The following MYO19 variants were observed in gnomAD, a reference collection of about 807,000 sequenced individuals.
MYO19 encodes unconventional myosin-XIX.
Under a neutral mutation model 129.2 loss-of-function variants are expected in MYO19, and 132 were observed. That is an observed-to-expected ratio of 1.02 (90% CI 0.89 to 1.18). MYO19 has a LOEUF of 1.18. Ranked by LOEUF, MYO19 falls within the 50% of genes most tolerant of loss-of-function variation. The probability of loss-of-function intolerance (pLI) is 0.00; values close to 1 mark genes in which losing one functional copy is unlikely to be tolerated. For missense variants in MYO19, 1,210 were observed against 1,216.7 expected, an observed-to-expected ratio of 0.99 and a Z score of 0.08; for synonymous variants, 531 against 477.2, an observed-to-expected ratio of 1.11 and a Z score of -1.47.
At position 36,512,512 on chromosome 17, in the gene MYO19, T is replaced by G. The variant is rs527741202; in HGVS notation, c.894+917A>C. The G allele has an allele frequency of 1.0e-5, 9 of 869,426 alleles. No homozygotes were observed. The South Asian group carries it at 1.5e-4, about 14-fold the overall frequency. 53.9% of individuals were successfully genotyped at this position (869,426 alleles called of 1,614,324 possible). ...TGCTACTGGTCTTCCGGCCACAACTTGCTCCAGAAGACTGCCATGCCCACC... is the reference window on the plus strand; with the variant it reads ...TGCTACTGGTCTTCCGGCCACAACTGGCTCCAGAAGACTGCCATGCCCACC... On this transcript the variant is annotated intron_variant, in intron 11 of 25. Transcript: ENST00000614623.
chr17:36,514,360 G>T, intron 9 of MYO19, 86 bp downstream of exon 9: 1 of 859,986 alleles, frequency 1.2e-6, no homozygotes, highest in South Asian at 1.4e-5. Context: ...AACCAGGTAT[G>T]GAGCATTCTG....
chr17:36,495,748 T>A lies in MYO19; in HGVS notation c.*503A>T. On this transcript the variant is annotated 3_prime_UTR_variant, in exon 26 of 26. Transcript: ENST00000614623. ...AGTGTTAATAAAATCAAAACGTGAT[T>A]CTACTGTACATTGCATTATTCATAA... 8.0e-7 allele frequency: 1 copy of A among 1,245,150 alleles called. No homozygotes were observed. The highest frequency in any genetic ancestry group is 1.0e-6 in the Non-Finnish European group (1 of 995,832). 77.1% of individuals were successfully genotyped at this position (1,245,150 alleles called of 1,614,324 possible). A position where few individuals can be genotyped will look rare whatever the true frequency, so the allele number is the denominator to read the frequency against.
At position 36,514,509 on chromosome 17, in the gene MYO19, G is replaced by A. The variant is rs758599618; in HGVS notation, c.657C>T (p.Leu219=). The A allele has an allele frequency of 6.2e-7, 1 of 1,613,678 alleles. No homozygotes were observed. The highest frequency in any genetic ancestry group is 1.3e-5 in the African/African-American group (1 of 75,046). The part of the protein sequence containing the change: ...QMTGAAVQTY[L]LEKTRVACQA... ...GGCAGGCCACTCGAGTTTTCTCTAG[G>A]AGGTAGGTCTGGACTGCGGCTCCAG... The change falls in exon 9 of 26, where the codon CTC becomes CTT. Residue 219 remains leucine (L), a synonymous_variant. Transcript: ENST00000614623.
chr17:36,528,244 C>T, intron 3 of MYO19, 42 bp from the exon 4 acceptor site: 1 of 1,542,870 alleles, frequency 6.5e-7, no homozygotes, highest in Non-Finnish European at 8.8e-7. Flanking sequence ...CACAGTGGCT[C>T]ATGCCTATAA....
chr17:36,515,355 G>GC (rs1567763074), intron 7 of MYO19, among the ~76,000 whole-genome samples, 173 bp from the exon 8 acceptor site: 2 of 152,138 alleles, frequency 1.3e-5, no homozygotes, highest in East Asian at 3.9e-4. Flanking sequence ...TCATGCTTTA[G>GC]CAAGTGGGAT....
chr17:36,508,656 C>A lies in MYO19; in HGVS notation c.1231+406G>T, dbSNP rs149048348. 564 of 192,178 alleles carry A rather than the reference C, an allele frequency of 2.9e-3. 2 individuals are homozygous for A. The highest frequency in any genetic ancestry group is 4.5e-3 in the Non-Finnish European group (418 of 93,478). The allele number at this position is 192,178 out of a possible 1,614,324, so 11.9% of individuals were successfully genotyped here. Reference sequence around the variant, plus strand: ...ATATTGCCCAGGCTGGTCTCCAACTCCTGGCCTCCAGTGATCCTCCCACTT... The same window carrying A: ...ATATTGCCCAGGCTGGTCTCCAACTACTGGCCTCCAGTGATCCTCCCACTT... On this transcript the variant is annotated intron_variant, in intron 14 of 25. Coordinates refer to ENST00000614623, the MANE Select transcript of MYO19 (RefSeq NM_001163735.2).
intron 20 of MYO19, 60 bp from the exon 21 acceptor site, chr17:36,503,260 T>G: frequency 7.6e-7 from 1 of 1,311,578 alleles, no homozygotes; most frequent in Non-Finnish European, 1.1e-6. Flanking sequence ...GGTTAACGGT[T>G]CAGGGCTCAT....
intron 6 of MYO19, among the ~76,000 whole-genome samples, chr17:36,521,799 G>A (rs1313401117): frequency 1.3e-5 from 2 of 151,904 alleles, no homozygotes; most frequent in Admixed American, 6.6e-5. Flanking sequence ...TTGGGAGGCC[G>A]GGGAGGGTGG....
At chr17:36,539,470 A>C (rs2074184088), upstream of MYO19, among the ~76,000 whole-genome samples, 1 of 152,122 alleles carries the variant, frequency 6.6e-6, no homozygotes, top group African/African-American at 2.4e-5. Context: ...AGACAGTTAA[A>C]TGCACCAAAG....
At position 36,495,644 on chromosome 17, in the gene MYO19, A is replaced by C. The variant is rs1012435596; in HGVS notation, c.*607T>G. 5.3e-5 allele frequency: 69 copies of C among 1,289,910 alleles called. No individual in the cohort carries two copies. Among genetic ancestry groups the C allele is most frequent in the Non-Finnish European group, 6.7e-5 (68 of 1,022,338 alleles). 79.9% of individuals were successfully genotyped at this position (1,289,910 alleles called of 1,614,324 possible). A position where few individuals can be genotyped will look rare whatever the true frequency, so the allele number is the denominator to read the frequency against. On this transcript the variant is annotated 3_prime_UTR_variant, in exon 26 of 26. Coordinates refer to ENST00000614623, the MANE Select transcript of MYO19 (RefSeq NM_001163735.2). ...ACTTGACATTCAGATGATTGTTTTTAAATGTTTTACTTTTGGTACAGTTGA... is the reference window on the plus strand; with the variant it reads ...ACTTGACATTCAGATGATTGTTTTTCAATGTTTTACTTTTGGTACAGTTGA...
chr17:36,497,516 T>G (rs1352076866), intron 25 of MYO19: 5 of 984,788 alleles, frequency 5.1e-6, no homozygotes, highest in Non-Finnish European at 4.8e-6. Flanking sequence ...AAGTCTTGGG[T>G]AGTTTCTTTT....
intron 14 of MYO19, 124 bp downstream of exon 14, chr17:36,508,938 G>C (rs1366599636): frequency 1.3e-6 from 1 of 776,786 alleles, no homozygotes; most frequent in African/African-American, 1.7e-5. Flanking sequence ...GCAGATGCAA[G>C]AGGAGACAAA....
At chr17:36,524,491 G>A (rs890837363) in intron 6 of MYO19, among the ~76,000 whole-genome samples, 2 of 152,194 alleles carry the variant, frequency 1.3e-5, no homozygotes, top group African/African-American at 4.8e-5. Flanking sequence ...GCAAGGCCTT[G>A]GCCAATAGTC....
At chr17:36,508,751 G>A in intron 14 of MYO19, 1 of 382,526 alleles carries the variant, frequency 2.6e-6, no homozygotes, top group Admixed American at 4.0e-5. Context: ...TTCTAATACA[G>A]CTATTTTCCC....
chr17:36,496,380 CT>C lies in MYO19; in HGVS notation c.2783del (p.Lys928SerfsTer31). 1.9e-6 allele frequency: 3 copies of C among 1,613,998 alleles called. No homozygotes were observed. In the South Asian group the frequency reaches 3.3e-5, roughly 18 times the overall value. Reference sequence around the variant, plus strand: ...AGATGTCAGCATACCGCAGTGGAGACTTTCTGCAGTGAAACTTTATCGATCC... The same window carrying C: ...AGATGTCAGCATACCGCAGTGGAGACTTCTGCAGTGAAACTTTATCGATCC... ...PQGSIKFHCR[K>X]SPLRYADICP... is the part of the protein sequence containing the mutation. On this transcript the variant is annotated frameshift_variant, in exon 26 of 26. Transcript: ENST00000614623. LOFTEE classifies it high-confidence loss of function.
In MYO19 at chr17:36,499,084, C is replaced by T. The variant is rs1389626994; in HGVS notation, c.2454G>A (p.Gln818=). ...CTTGGGTCTTACTTACTCTCCACTT[C>T]TGCCATGCACGCTTGATGACTGTGG... is the stretch of plus-strand genomic sequence containing the variant. ...AAATVIKRAW[Q]KWRIRMACLA... Residue 818 remains glutamine (Q), a synonymous_variant, in exon 24 of 26, where the codon CAG becomes CAA. Coordinates refer to ENST00000614623, the MANE Select transcript of MYO19 (RefSeq NM_001163735.2). 1 of 1,608,390 alleles carries T rather than the reference C, an allele frequency of 6.2e-7. No homozygotes were observed. The highest frequency in any genetic ancestry group is 8.5e-7 in the Non-Finnish European group (1 of 1,177,042).
Position 36,513,668 on chromosome 17 carries a change from C to G in MYO19, c.778G>C (p.Ala260Pro). 6.2e-7 allele frequency: 1 copy of G among 1,613,982 alleles called. No homozygotes were observed. The highest frequency in any genetic ancestry group is 2.2e-5 in the East Asian group (1 of 44,870). Residue 260 changes from alanine (A) to proline (P), a missense_variant, in exon 10 of 26, where the codon GCC becomes CCC. Ala to Pro is a conservative substitution (Grantham distance 27). Transcript: ENST00000614623. ...TCTGGGTTGGGCAGCCAGGAGAAGGCAGCTCCCTCAGGAAGGTGCCACTGG... is the reference window on the plus strand; with the variant it reads ...TCTGGGTTGGGCAGCCAGGAGAAGGGAGCTCCCTCAGGAAGGTGCCACTGG... ...RLQWHLPEGA[A>P]FSWLPNPERS...
chr17:36,511,004 G>T, intron 12 of MYO19, 87 bp from the exon 13 acceptor site: 1 of 1,422,340 alleles, frequency 7.0e-7, no homozygotes, highest in African/African-American at 1.4e-5. Context: ...GCGGGACCAT[G>T]ACTTGCCCAA....
chr17:36,506,456 C>A lies in MYO19; in HGVS notation c.1797G>T (p.Lys599Asn), dbSNP rs1321478787. The change falls in exon 18 of 26, where the codon AAG becomes AAT. Residue 599 changes from lysine to asparagine, a missense_variant and splice_region_variant. Transcript: ENST00000614623. Reference sequence around the variant, plus strand: ...CCTCCCATCAGCACATCAGACCCACCTTGAACTTGGACACCACGGTCAACA... The same window carrying A: ...CCTCCCATCAGCACATCAGACCCACATTGAACTTGGACACCACGGTCAACA... The part of the protein sequence containing the change: ...APVLTVVSKF[K>N]ASLEQLLQVL... 6.2e-7 allele frequency: 1 copy of A among 1,613,760 alleles called. No homozygotes were observed. The highest frequency in any genetic ancestry group is 8.5e-7 in the Non-Finnish European group (1 of 1,179,840).
Sources: gnomAD v4.1 joint callset for allele counts (sites outside exome capture counted in the v4.1 genomes callset) on GRCh38, gnomAD v4.1.1 for gene constraint, MANE v1.5 for transcripts, NCBI Gene and HGNC (gene_info 2026-07-23, HGNC 2026-07-21) for gene names.